The following LAMA2 variants were observed in gnomAD, a reference collection of about 807,000 sequenced individuals.
The protein encoded by LAMA2 is laminin subunit alpha 2.
LAMA2 carries 269 observed loss-of-function variants against 364.8 expected under a neutral mutation model. The observed-to-expected ratio is 0.74, with a 90% confidence interval of 0.67 to 0.82. LAMA2 has a LOEUF of 0.82. LAMA2 is among the 40% of genes least tolerant of loss of function. The pLI is 0.00. For synonymous variants in LAMA2, 1,379 were observed against 1,370.6 expected (o/e 1.01, Z -0.14); for missense variants, 3,807 against 3,873.2 (o/e 0.98, Z 0.45).
At chr6:129,201,281 G>T (rs578074784) in intron 12 of LAMA2, among the ~76,000 whole-genome samples, 2 of 152,168 alleles carry the variant, frequency 1.3e-5, no homozygotes, top group Non-Finnish European at 2.9e-5. Context: ...AGAGGTTAGG[G>T]TTCATGGAGG....
Position 129,154,646 on chromosome 6 carries a change from G to C in LAMA2, c.1169G>C (p.Cys390Ser), listed in dbSNP as rs886061045. 6.2e-7 allele frequency: 1 copy of C among 1,613,920 alleles called. No homozygotes were observed. Among genetic ancestry groups the C allele is most frequent in the Admixed American group, 1.7e-5 (1 of 60,008 alleles). Residue 390 changes from cysteine to serine, a missense_variant, in exon 8 of 65, where the codon TGC becomes TCC. Physicochemically the swap from Cys to Ser is moderately radical, Grantham distance 112. Transcript: ENST00000421865. ...NCTQNTAGINCETCTDGFFRP... is the reference protein window; with the variant it reads ...NCTQNTAGINSETCTDGFFRP... Reference sequence around the variant, plus strand: ...ACCCAAAACACTGCTGGTATAAACTGCGAGACATGTACTGATGGCTTCTTC... The same window carrying C: ...ACCCAAAACACTGCTGGTATAAACTCCGAGACATGTACTGATGGCTTCTTC...
intron 1 of LAMA2, among the ~76,000 whole-genome samples, chr6:128,993,737 A>T (rs911761727): frequency 1.3e-5 from 2 of 152,172 alleles, no homozygotes; most frequent in African/African-American, 4.8e-5. Flanking sequence ...AGTGTTTCTG[A>T]AACAAGAGAT....
At chr6:129,316,729 A>G (rs1774638184) in intron 27 of LAMA2, among the ~76,000 whole-genome samples, 1 of 152,204 alleles carries the variant, frequency 6.6e-6, no homozygotes, top group Admixed American at 6.5e-5. Flanking sequence ...GGAATACTTC[A>G]AGGGAGTATT....
At chr6:128,908,345 CT>C (rs201108332) in intron 1 of LAMA2, among the ~76,000 whole-genome samples, 10,559 of 152,082 alleles carry the variant, frequency 0.069, 439 homozygotes, top group South Asian at 0.12. Context: ...GATTCAACTT[CT>C]TCCTGGTTTA....
intron 3 of LAMA2, among the ~76,000 whole-genome samples, chr6:129,080,170 G>A (rs975455635): frequency 8.6e-5 from 13 of 151,956 alleles, no homozygotes; most frequent in East Asian, 1.9e-4. Flanking sequence ...TTTCAACTCC[G>A]TAAGAAAGAT....
chr6:129,484,061 A>C (rs1313312709), intron 55 of LAMA2, among the ~76,000 whole-genome samples: 1 of 152,230 alleles, frequency 6.6e-6, no homozygotes, highest in African/African-American at 2.4e-5. Context: ...CGGGAAAAGA[A>C]CACTTGATTG....
intron 33 of LAMA2, among the ~76,000 whole-genome samples, chr6:129,367,071 A>G (rs1777817971): frequency 6.6e-6 from 1 of 152,238 alleles, no homozygotes; most frequent in Admixed American, 6.5e-5. Context: ...CATGATTAGA[A>G]TCTTGTACTA....
chr6:129,303,013 G>A (rs1396385129), intron 22 of LAMA2, among the ~76,000 whole-genome samples: 1 of 152,068 alleles, frequency 6.6e-6, no homozygotes, highest in Non-Finnish European at 1.5e-5. Context: ...GGATTTGGCT[G>A]AAATTATATT....
rs76468166 is a variant in LAMA2, at chr6:129,131,332, A to G, written c.640-12569A>G. ...ATCAGCTGTTTATTCATTTTTCTTG[A>G]GTTGTAATATTTCTTAATATTAGCT... is the stretch of plus-strand genomic sequence containing the variant. On this transcript the variant is annotated intron_variant, in intron 4 of 64. Transcript: ENST00000421865. 1.5e-4 allele frequency among the ~76,000 whole-genome samples: 23 copies of G among 152,224 alleles called. No individual in the cohort carries two copies. In the East Asian group the frequency reaches 4.2e-3, roughly 28 times the overall value.
intron 3 of LAMA2, among the ~76,000 whole-genome samples, chr6:129,090,985 C>T (rs879500582): frequency 3.9e-5 from 6 of 152,066 alleles, no homozygotes; most frequent in Admixed American, 1.3e-4. Flanking sequence ...CAATAAATCC[C>T]GCCATTCATT....
At chr6:128,948,502 C>T (rs1032389000) in intron 1 of LAMA2, among the ~76,000 whole-genome samples, 2 of 152,162 alleles carry the variant, frequency 1.3e-5, no homozygotes, top group African/African-American at 2.4e-5. Flanking sequence ...ACACACTATG[C>T]TTGAGTCATT....
chr6:129,365,720 T>G (rs913912922), intron 32 of LAMA2, among the ~76,000 whole-genome samples: 4 of 152,014 alleles, frequency 2.6e-5, no homozygotes, highest in Admixed American at 2.6e-4. Flanking sequence ...AGCTAAAAAT[T>G]TATATACTTT....
In LAMA2 at chr6:128,929,562, A is replaced by T. The variant is rs572273778; in HGVS notation, c.112+46205A>T. On this transcript the variant is annotated intron_variant, in intron 1 of 64. Coordinates refer to ENST00000421865, the MANE Select transcript of LAMA2 (RefSeq NM_000426.4). ...CTGAGCGACAATTATCTCCATAGTCATGAGACTTGATCCTGCAGTTCTGGA... is the reference window on the plus strand; with the variant it reads ...CTGAGCGACAATTATCTCCATAGTCTTGAGACTTGATCCTGCAGTTCTGGA... The T allele has an allele frequency of 3.2e-5, 33 of 1,033,790 alleles. No individual in the cohort carries two copies. In the South Asian group the frequency reaches 4.0e-4, roughly 13 times the overall value. 64.0% of individuals were successfully genotyped at this position (1,033,790 alleles called of 1,614,324 possible).
intron 40 of LAMA2, among the ~76,000 whole-genome samples, chr6:129,415,809 G>A (rs541540836): frequency 4.1e-4 from 62 of 152,172 alleles, no homozygotes; most frequent in African/African-American, 1.3e-3. Context: ...TCATGCCACT[G>A]CACTCCAGCC....
chr6:129,357,921 G>T (rs966379405), intron 32 of LAMA2, among the ~76,000 whole-genome samples: 2 of 151,934 alleles, frequency 1.3e-5, no homozygotes, highest in African/African-American at 4.8e-5. Flanking sequence ...GAAAAATGAT[G>T]ATAAACATCA....
At chr6:128,929,925 GCGC>G (rs1779351116) in intron 1 of LAMA2, 8 of 805,618 alleles carry the variant, frequency 9.9e-6, no homozygotes, top group African/African-American at 1.7e-5. Flanking sequence ...GCAAGCAGGA[GCGC>G]GGCCCACAGC....
At chr6:129,299,688 T>C (rs6926104) in intron 21 of LAMA2, among the ~76,000 whole-genome samples, 66,814 of 152,036 alleles carry the variant, frequency 0.44, 15,202 homozygotes, top group African/African-American at 0.51. Flanking sequence ...GCAACAACAG[T>C]AATAACCAAA....
chr6:129,285,895 G>A (rs1789077567), intron 18 of LAMA2, among the ~76,000 whole-genome samples: 1 of 152,010 alleles, frequency 6.6e-6, no homozygotes, highest in South Asian at 2.1e-4. Flanking sequence ...ACTCATAAGT[G>A]TATAAAATCT....
At chr6:129,219,337 G>C (rs974857422) in intron 12 of LAMA2, among the ~76,000 whole-genome samples, 1 of 152,196 alleles carries the variant, frequency 6.6e-6, no homozygotes, top group African/African-American at 2.4e-5. Flanking sequence ...ACAGATGCTG[G>C]AGAGGATGTG....
Sources: allele counts gnomAD v4.1 joint callset (sites outside exome capture counted in the v4.1 genomes callset), GRCh38; gene constraint gnomAD v4.1.1; transcripts MANE v1.5; gene names NCBI Gene and HGNC (gene_info 2026-07-23, HGNC 2026-07-21).